The following CNTLN variants were observed in gnomAD, a reference collection of about 807,000 sequenced individuals.
The protein encoded by CNTLN is centlein, centrosomal protein.
A neutral mutation model predicts 180.0 loss-of-function variants in CNTLN; 212 were observed. The ratio of observed to expected loss-of-function variants is 1.18; its 90% CI spans 1.05 to 1.32. CNTLN has a LOEUF of 1.32. Ranked by LOEUF, CNTLN falls within the 40% of genes most tolerant of loss-of-function variation. The pLI is 0.00. For missense variants in CNTLN, 2,095 were observed against 1,610.9 expected, an observed-to-expected ratio of 1.30 and a Z score of -5.14; for synonymous variants, 722 against 563.1, an observed-to-expected ratio of 1.28 and a Z score of -3.99.
In CNTLN at chr9:17,415,774, A is replaced by G. The variant is rs1345951441; in HGVS notation, c.2797-14A>G. On this transcript the variant is annotated splice_polypyrimidine_tract_variant and intron_variant, in intron 16 of 25. Coordinates refer to ENST00000380647, the MANE Select transcript of CNTLN (RefSeq NM_017738.4). ...TGAAGAATAATACCATTTTTATGAAATCTTCAAATTTAGGACTATTTTCAT... is the reference window on the plus strand; with the variant it reads ...TGAAGAATAATACCATTTTTATGAAGTCTTCAAATTTAGGACTATTTTCAT... 1 of 1,452,822 alleles carries G rather than the reference A, an allele frequency of 6.9e-7. No homozygotes were observed. Among genetic ancestry groups the G allele is most frequent in the Non-Finnish European group, 9.6e-7 (1 of 1,038,790 alleles). The allele number at this position is 1,452,822 out of a possible 1,614,324, so 90.0% of individuals were successfully genotyped here.
intron 2 of CNTLN, among the ~76,000 whole-genome samples, chr9:17,214,231 G>A (rs192471077): frequency 6.6e-6 from 1 of 152,060 alleles, no homozygotes; most frequent in South Asian, 2.1e-4. Context: ...CCTTCAGGAG[G>A]TCTTGTAGGG....
intron 12 of CNTLN, among the ~76,000 whole-genome samples, chr9:17,360,874 GAAAA>G (rs1823322944): frequency 6.6e-6 from 1 of 152,116 alleles, no homozygotes; most frequent in Non-Finnish European, 1.5e-5. Flanking sequence ...CATGGCACTT[GAAAA>G]GAATATTTGT....
At chr9:17,380,908 T>A (rs758555879) in intron 13 of CNTLN, among the ~76,000 whole-genome samples, 3 of 152,240 alleles carry the variant, frequency 2.0e-5, no homozygotes, top group Non-Finnish European at 4.4e-5. Flanking sequence ...TTCTGCTCCA[T>A]GTGTCTGATT....
intron 2 of CNTLN, among the ~76,000 whole-genome samples, chr9:17,179,235 C>T (rs1820961198): frequency 8.1e-6 from 1 of 123,656 alleles, no homozygotes. Context: ...CAGAGCGAGA[C>T]TCCGTCTCAA....
At chr9:17,284,409 G>A (rs1828851759) in intron 6 of CNTLN, among the ~76,000 whole-genome samples, 1 of 151,988 alleles carries the variant, frequency 6.6e-6, no homozygotes, top group African/African-American at 2.4e-5. Flanking sequence ...TTTTTGGCTG[G>A]TAGGGTATTT....
intron 2 of CNTLN, among the ~76,000 whole-genome samples, chr9:17,182,234 G>T (rs1821168953): frequency 6.6e-6 from 1 of 151,830 alleles, no homozygotes; most frequent in Non-Finnish European, 1.5e-5. Flanking sequence ...TTGTTTACTA[G>T]CCTACTCCTT....
chr9:17,527,040 G>A, the CNTLN span, among the ~76,000 whole-genome samples: 34 of 152,206 alleles, frequency 2.2e-4, no homozygotes, highest in African/African-American at 8.2e-4. Flanking sequence ...ACCATGCTCA[G>A]CTAAGCTATT....
intron 5 of CNTLN, among the ~76,000 whole-genome samples, chr9:17,268,479 C>T (rs979670169): frequency 7.2e-5 from 11 of 152,150 alleles, no homozygotes; most frequent in Admixed American, 2.6e-4. Flanking sequence ...TTAGGCTGCT[C>T]GGGGGTCAGG....
intron 6 of CNTLN, among the ~76,000 whole-genome samples, chr9:17,288,257 C>T (rs1423418140): frequency 1.7e-5 from 2 of 118,532 alleles, no homozygotes; most frequent in East Asian, 2.5e-4. Flanking sequence ...GCCTTCATTT[C>T]ATTATGTACC....
chr9:17,252,650 G>C (rs892793603), intron 5 of CNTLN, among the ~76,000 whole-genome samples: 3 of 151,708 alleles, frequency 2.0e-5, no homozygotes, highest in Non-Finnish European at 3.0e-5. Flanking sequence ...TGTTGACTGA[G>C]TAATCTGCAA....
chr9:17,474,005 C>T lies in CNTLN; in HGVS notation c.3855+7114C>T, dbSNP rs1192602442. Among the ~76,000 whole-genome samples, 3 of 152,132 alleles carry T rather than the reference C, an allele frequency of 2.0e-5. No individual in the cohort carries two copies. In the East Asian group the frequency reaches 5.8e-4, roughly 29 times the overall value. On this transcript the variant is annotated intron_variant, in intron 23 of 25. Transcript: ENST00000380647. ...GTCTTCTCTGACTTCTTTGCTAGTT[C>T]TCATTCTCTTCCTGACAGACATAAG...
intron 2 of CNTLN, among the ~76,000 whole-genome samples, chr9:17,196,827 T>A (rs535575618): frequency 1.6e-4 from 25 of 152,080 alleles, no homozygotes; most frequent in African/African-American, 6.0e-4. Context: ...GGGGTGTACA[T>A]TACCTCAAGC....
At chr9:17,298,430 A>T (rs770054400) in intron 7 of CNTLN, 78 bp downstream of exon 7, 4 of 1,316,614 alleles carry the variant, frequency 3.0e-6, no homozygotes, top group East Asian at 5.9e-5. Context: ...AGATTTTTTC[A>T]AATTTCAGCA....
chr9:17,191,647 A>T (rs1821794849), intron 2 of CNTLN, among the ~76,000 whole-genome samples: 1 of 152,216 alleles, frequency 6.6e-6, no homozygotes, highest in Non-Finnish European at 1.5e-5. Flanking sequence ...AATATATGAC[A>T]TTTTTTTGAT....
At chr9:17,380,524 G>A (rs1825156221) in intron 13 of CNTLN, among the ~76,000 whole-genome samples, 1 of 152,188 alleles carries the variant, frequency 6.6e-6, no homozygotes. Flanking sequence ...AGAGACTGCA[G>A]TCCATTGACG....
chr9:17,143,228 G>T, intron 1 of CNTLN, 60 bp from the exon 2 acceptor site: 2 of 1,148,876 alleles, frequency 1.7e-6, no homozygotes, highest in Non-Finnish European at 2.6e-6. Flanking sequence ...ATTTAATGTA[G>T]TATCTTATTT....
At chr9:17,240,730 G>T (rs1445706358) in intron 5 of CNTLN, among the ~76,000 whole-genome samples, 1 of 151,982 alleles carries the variant, frequency 6.6e-6, no homozygotes, top group Non-Finnish European at 1.5e-5. Flanking sequence ...TCTTTGCTGT[G>T]CGGAAGCTTT....
chr9:17,148,731 T>C (rs1016809976), intron 2 of CNTLN, among the ~76,000 whole-genome samples: 2 of 152,214 alleles, frequency 1.3e-5, no homozygotes, highest in Admixed American at 1.3e-4. Context: ...TTGACATCAG[T>C]TGGAAACATG....
chr9:17,435,414 C>G (rs533767881), intron 18 of CNTLN, among the ~76,000 whole-genome samples: 3 of 152,020 alleles, frequency 2.0e-5, no homozygotes, highest in Admixed American at 1.3e-4. Flanking sequence ...AAAAACGGTA[C>G]CTTTTAAACT....
Sources: allele counts gnomAD v4.1 joint callset (sites outside exome capture counted in the v4.1 genomes callset), GRCh38; gene constraint gnomAD v4.1.1; transcripts MANE v1.5; gene names NCBI Gene and HGNC (gene_info 2026-07-23, HGNC 2026-07-21).